NTN1: variants seen among roughly 807,000 people sequenced by gnomAD.
The protein encoded by NTN1 is netrin-1.
Under a neutral mutation model 54.2 loss-of-function variants are expected in NTN1, and 11 were observed. That is an observed-to-expected ratio of 0.20 (90% CI 0.13 to 0.34). The LOEUF is 0.34. Among genes scored for constraint, NTN1 ranks in the 10% least tolerant of loss-of-function variants. The pLI, the probability that NTN1 is intolerant of heterozygous loss-of-function variation, is 1.00. For missense variants in NTN1, 740 were observed against 893.1 expected, an observed-to-expected ratio of 0.83 and a Z score of 2.18; for synonymous variants, 371 against 382.0, an observed-to-expected ratio of 0.97 and a Z score of 0.33.
At chr17:9,034,571 C>T (rs1032755075) in intron 2 of NTN1, among the ~76,000 whole-genome samples, 4 of 151,676 alleles carry the variant, frequency 2.6e-5, no homozygotes, top group Non-Finnish European at 4.4e-5. Flanking sequence ...TACAGGCGTG[C>T]ACCACCAAGA....
In NTN1 at chr17:9,239,993, G is replaced by T. The variant is rs1342884118; in HGVS notation, c.*25G>T. On this transcript the variant is annotated 3_prime_UTR_variant, in exon 7 of 7. Transcript: ENST00000173229. This position sits in a 1 kb window ranked among gnomAD's most constrained non-coding sequence, Gnocchi z 5.2. ...GCGCCGAGGCAGCGGGCGGGCGGGCGGGCGGGCGCCAGGGCGGGGCCGAGC... is the reference window on the plus strand; with the variant it reads ...GCGCCGAGGCAGCGGGCGGGCGGGCTGGCGGGCGCCAGGGCGGGGCCGAGC... 1 of 240,384 alleles carries T rather than the reference G, an allele frequency of 4.2e-6. No homozygotes were observed. Among genetic ancestry groups the T allele is most frequent in the South Asian group, 3.7e-5 (1 of 26,750 alleles). The allele number at this position is 240,384 out of a possible 1,614,324, so 14.9% of individuals were successfully genotyped here.
Position 9,026,394 on chromosome 17 carries a change from G to GGT in NTN1, c.1018+3004_1018+3005insTG, listed in dbSNP as rs1555562105. ...AAATGCAGTTTTGGATTTCTTCCGG[G>GGT]GGGGGGGAACAAACAACCCTCAAAA... On this transcript the variant is annotated intron_variant, in intron 2 of 6. Coordinates refer to ENST00000173229, the MANE Select transcript of NTN1 (RefSeq NM_004822.3). Among the ~76,000 whole-genome samples, 1,019 of 150,994 alleles carry GGT rather than the reference G, an allele frequency of 6.7e-3. 18 individuals are homozygous for GGT. Among genetic ancestry groups the GGT allele is most frequent in the African/African-American group, 0.023 (933 of 41,170 alleles).
At chr17:9,122,186 C>T (rs1330435215) in intron 2 of NTN1, among the ~76,000 whole-genome samples, 2 of 152,052 alleles carry the variant, frequency 1.3e-5, no homozygotes, top group African/African-American at 2.4e-5. Context: ...TACAGGTGCC[C>T]GCCACCACAC....
At chr17:9,180,303 C>T (rs546695110) in intron 4 of NTN1, among the ~76,000 whole-genome samples, 15 of 152,324 alleles carry the variant, frequency 9.8e-5, no homozygotes, top group African/African-American at 3.1e-4. Context: ...CCTCCCAAAG[C>T]GCTGGGATTA....
chr17:9,189,028 GAGA>G (rs1904379656), intron 5 of NTN1, among the ~76,000 whole-genome samples: 1 of 152,222 alleles, frequency 6.6e-6, no homozygotes, highest in Non-Finnish European at 1.5e-5. Context: ...GTTATCCCGA[GAGA>G]AGATTAGACC....
chr17:9,131,853 G>C (rs993300033), intron 2 of NTN1, among the ~76,000 whole-genome samples: 10 of 151,862 alleles, frequency 6.6e-5, no homozygotes, highest in African/African-American at 1.9e-4. Flanking sequence ...GCCCAGGCTG[G>C]AGTGCAGTAG....
At chr17:9,120,076 C>T (rs1248036216) in intron 2 of NTN1, among the ~76,000 whole-genome samples, 5 of 151,958 alleles carry the variant, frequency 3.3e-5, no homozygotes, top group South Asian at 2.1e-4. Flanking sequence ...GTCAGGAGTT[C>T]GAGACCATCC....
At chr17:9,012,536 C>CAAAAAAAAAAAA in the NTN1 span, among the ~76,000 whole-genome samples, 1 of 132,812 alleles carries the variant, frequency 7.5e-6, no homozygotes, top group Non-Finnish European at 1.6e-5. Flanking sequence ...AAAAACAAAA[C>CAAAAAAAAAAAA]AAAAAAAAAA....
At chr17:9,216,735 A>G (rs1176915638) in intron 5 of NTN1, among the ~76,000 whole-genome samples, 1 of 152,146 alleles carries the variant, frequency 6.6e-6, no homozygotes. Flanking sequence ...ATTCTCTGCA[A>G]TGATTTAGAT....
intron 2 of NTN1, among the ~76,000 whole-genome samples, chr17:9,116,753 C>T (rs1352634151): frequency 2.0e-5 from 3 of 152,088 alleles, no homozygotes; most frequent in Admixed American, 1.3e-4. Context: ...TTTCACAGAA[C>T]TTGTGGGAAA....
intron 6 of NTN1, among the ~76,000 whole-genome samples, chr17:9,229,218 G>A (rs1905724471): frequency 6.6e-6 from 1 of 152,042 alleles, no homozygotes; most frequent in African/African-American, 2.4e-5. Context: ...AGTGGGCCTG[G>A]GGACCTGAGC....
At chr17:9,172,609 A>G (rs1195770276) in intron 3 of NTN1, among the ~76,000 whole-genome samples, 1 of 152,252 alleles carries the variant, frequency 6.6e-6, no homozygotes, top group African/African-American at 2.4e-5. Context: ...AAGGAAACAA[A>G]CAACCCAATT....
At chr17:9,028,516 TG>T (rs2091878742) in intron 2 of NTN1, among the ~76,000 whole-genome samples, 1 of 152,166 alleles carries the variant, frequency 6.6e-6, no homozygotes, top group African/African-American at 2.4e-5. Flanking sequence ...CTATTAGCCC[TG>T]CCCAGTTTTC....
In NTN1 at chr17:9,221,108, A is replaced by C; in HGVS notation, c.1412-60A>C. 17 of 1,145,994 alleles carry C rather than the reference A, an allele frequency of 1.5e-5. No individual in the cohort carries two copies. The highest frequency in any genetic ancestry group is 2.1e-5 in the Non-Finnish European group (16 of 753,908). The allele number at this position is 1,145,994 out of a possible 1,614,324, so 71.0% of individuals were successfully genotyped here. A position where few individuals can be genotyped will look rare whatever the true frequency, so the allele number is the denominator to read the frequency against. On this transcript the variant is annotated intron_variant, in intron 5 of 6. Transcript: ENST00000173229. This position sits in a 1 kb window ranked among gnomAD's most constrained non-coding sequence, Gnocchi z 4.5. ...GAGGCGGCCTCCTACTCTGCCCGCC[A>C]GCCTATTCATCGCCAGCCTAATTAG...
intron 2 of NTN1, among the ~76,000 whole-genome samples, chr17:9,119,257 G>C (rs370321832): frequency 6.6e-6 from 1 of 151,938 alleles, no homozygotes; most frequent in East Asian, 1.9e-4. Flanking sequence ...GTGCGATCTC[G>C]GCTCACTGCA....
intron 3 of NTN1, among the ~76,000 whole-genome samples, chr17:9,168,288 T>G (rs1404212091): frequency 6.6e-6 from 1 of 152,072 alleles, no homozygotes; most frequent in Non-Finnish European, 1.5e-5. Context: ...ATCCCAACAC[T>G]TTGGGAGGCC....
At chr17:9,234,971 T>TTA (rs1366146396) in intron 6 of NTN1, among the ~76,000 whole-genome samples, 20 of 149,264 alleles carry the variant, frequency 1.3e-4, no homozygotes, top group African/African-American at 4.9e-4. Context: ...TTGGTTTTTT[T>TTA]TTTTTTTTGA....
At chr17:9,059,107 T>C (rs2091988322) in intron 2 of NTN1, among the ~76,000 whole-genome samples, 1 of 152,204 alleles carries the variant, frequency 6.6e-6, no homozygotes, top group Non-Finnish European at 1.5e-5. Flanking sequence ...CTCTATATTA[T>C]CATTCATGGT....
Position 9,029,709 on chromosome 17 carries a change from A to T in NTN1, c.1018+6318A>T, listed in dbSNP as rs1418677706. Among the ~76,000 whole-genome samples, 3 of 152,322 alleles carry T rather than the reference A, an allele frequency of 2.0e-5. No individual in the cohort carries two copies. In the South Asian group the frequency reaches 6.2e-4, roughly 32 times the overall value. On this transcript the variant is annotated intron_variant, in intron 2 of 6. Transcript: ENST00000173229. Reference sequence around the variant, plus strand: ...TAATTTGCGTTTTAAAAGTTATATCATTGGCCGGGCGCGGTGGCTCACGCC... The same window carrying T: ...TAATTTGCGTTTTAAAAGTTATATCTTTGGCCGGGCGCGGTGGCTCACGCC...
Sources: allele counts gnomAD v4.1 joint callset (sites outside exome capture counted in the v4.1 genomes callset), GRCh38; gene constraint gnomAD v4.1.1; non-coding constraint Gnocchi (gnomAD v3.1); transcripts MANE v1.5; gene names NCBI Gene and HGNC (gene_info 2026-07-23, HGNC 2026-07-21).